The following SYN3 variants were observed in gnomAD, a reference collection of about 807,000 sequenced individuals.
The protein encoded by SYN3 is synapsin-3.
In SYN3, 35 loss-of-function variants were observed where a neutral mutation model predicts 65.8. The observed-to-expected ratio is 0.53, with a 90% CI of 0.41 to 0.70. SYN3 has a LOEUF of 0.70. Among genes scored for constraint, SYN3 ranks in the 30% least tolerant of loss-of-function variants. The pLI is 0.00. For missense variants in SYN3, 680 were observed against 749.0 expected, an observed-to-expected ratio of 0.91 and a Z score of 1.08; for synonymous variants, 270 against 292.9, an observed-to-expected ratio of 0.92 and a Z score of 0.80.
At chr22:32,737,223 G>A (rs906242249) in intron 6 of SYN3, among the ~76,000 whole-genome samples, 1 of 152,178 alleles carries the variant, frequency 6.6e-6, no homozygotes, top group Non-Finnish European at 1.5e-5. Context: ...CATGAGGTTA[G>A]GTACTTGTAT....
chr22:32,543,865 A>T (rs1197350402), intron 7 of SYN3, among the ~76,000 whole-genome samples: 1 of 152,180 alleles, frequency 6.6e-6, no homozygotes, highest in Non-Finnish European at 1.5e-5. Flanking sequence ...AGCAGCCTCC[A>T]TCTTGGGCCA....
At position 32,833,963 on chromosome 22, in the gene SYN3, C is replaced by T. The variant is rs527525089; in HGVS notation, c.711+30952G>A. 981 of 480,054 alleles carry T rather than the reference C, an allele frequency of 2.0e-3. 1 individual carries two copies. Among genetic ancestry groups the T allele is most frequent in the Non-Finnish European group, 3.4e-3 (819 of 239,160 alleles). The allele number at this position is 480,054 out of a possible 1,614,324, so 29.7% of individuals were successfully genotyped here. A position where few individuals can be genotyped will look rare whatever the true frequency, so the allele number is the denominator to read the frequency against. ...TTTTATAATTAGGGAAAGTGGGGAA[C>T]TACCCACATGACCATCCTCCTGCTT... On this transcript the variant is annotated intron_variant, in intron 6 of 13. Transcript: ENST00000358763.
intron 2 of SYN3, among the ~76,000 whole-genome samples, chr22:32,998,796 A>AAAAAC (rs1556121826): frequency 1.1e-4 from 16 of 151,036 alleles, no homozygotes; most frequent in African/African-American, 3.9e-4. Flanking sequence ...AAAAAAAAAA[A>AAAAAC]AAACAAAAGT....
In SYN3 at chr22:32,643,549, TG is replaced by T. The variant is rs34967500; in HGVS notation, c.712-46814del. 6.4e-3 allele frequency among the ~76,000 whole-genome samples: 29 copies of T among 4,526 alleles called. 3 individuals carry two copies. The highest frequency in any genetic ancestry group is 0.057 in the Admixed American group (24 of 424). 3.0% of individuals were successfully genotyped at this position (4,526 alleles called of 152,430 possible). On this transcript the variant is annotated intron_variant, in intron 6 of 13. Coordinates refer to ENST00000358763, the MANE Select transcript of SYN3 (RefSeq NM_003490.4). ...TAATGAGAGGGCAAATTAGAAATGG[TG>T]GGGGGGCGGGGGGGGCAGAACAGAC...
At chr22:32,630,808 T>C (rs2146815238) in intron 6 of SYN3, among the ~76,000 whole-genome samples, 1 of 152,316 alleles carries the variant, frequency 6.6e-6, no homozygotes, top group Admixed American at 6.5e-5. Context: ...CCTTTTGTCC[T>C]GGCCCCTTCA....
intron 3 of SYN3, among the ~76,000 whole-genome samples, chr22:32,945,798 A>C (rs1220177021): frequency 6.6e-6 from 1 of 152,252 alleles, no homozygotes; most frequent in African/African-American, 2.4e-5. Context: ...CTTATCTGAC[A>C]AAGGGCTAAT....
intron 6 of SYN3, among the ~76,000 whole-genome samples, chr22:32,769,491 C>T (rs555190034): frequency 2.7e-5 from 4 of 150,064 alleles, no homozygotes; most frequent in African/African-American, 9.8e-5. Context: ...TTGCCGGTGG[C>T]TCCTTATCTC....
rs752218064 is a variant in SYN3, at chr22:32,959,423, C to T, written c.369+21222G>A. Among the ~76,000 whole-genome samples, 18 of 151,858 alleles carry T rather than the reference C, an allele frequency of 1.2e-4. No homozygotes were observed. The South Asian group carries it at 1.2e-3, about 11-fold the overall frequency. On this transcript the variant is annotated intron_variant, in intron 3 of 13. Coordinates refer to ENST00000358763, the MANE Select transcript of SYN3 (RefSeq NM_003490.4). ...GGACTAATACAGGTGTGGTGGTGCA[C>T]GCCTGTAATCTCAGCTACTTGGGAG...
chr22:32,873,702 G>T (rs2048912926), intron 4 of SYN3, among the ~76,000 whole-genome samples: 1 of 152,066 alleles, frequency 6.6e-6, no homozygotes, highest in Non-Finnish European at 1.5e-5. Context: ...AGACAGGAGT[G>T]GCCAGCTACA....
At chr22:32,874,298 C>T (rs2048927234) in intron 4 of SYN3, among the ~76,000 whole-genome samples, 2 of 152,168 alleles carry the variant, frequency 1.3e-5, no homozygotes, top group African/African-American at 4.8e-5. Flanking sequence ...CAGGTTGTAG[C>T]TGGGTTTTCT....
chr22:32,926,377 C>T (rs1019961031), intron 4 of SYN3, among the ~76,000 whole-genome samples: 2 of 152,204 alleles, frequency 1.3e-5, no homozygotes, highest in Non-Finnish European at 2.9e-5. Context: ...TAATCAGGAA[C>T]TTCTTTATGT....
chr22:33,001,099 G>A (rs1375543275), intron 2 of SYN3, among the ~76,000 whole-genome samples: 1 of 152,122 alleles, frequency 6.6e-6, no homozygotes, highest in African/African-American at 2.4e-5. Flanking sequence ...ATAATTGCAG[G>A]GCCAACTGCC....
intron 6 of SYN3, among the ~76,000 whole-genome samples, chr22:32,732,802 A>G (rs1360648419): frequency 2.0e-5 from 3 of 152,222 alleles, no homozygotes; most frequent in African/African-American, 4.8e-5. Flanking sequence ...GATGGAAACC[A>G]TATTTACTGA....
chr22:33,038,916 A>G (rs944679004), intron 1 of SYN3, among the ~76,000 whole-genome samples: 10 of 152,212 alleles, frequency 6.6e-5, no homozygotes, highest in Non-Finnish European at 1.0e-4. Context: ...GGGCTTCTGC[A>G]TCTCTGCTCC....
At chr22:32,850,716 C>G (rs2048194422) in intron 6 of SYN3, among the ~76,000 whole-genome samples, 1 of 152,148 alleles carries the variant, frequency 6.6e-6, no homozygotes, top group Non-Finnish European at 1.5e-5. Context: ...ATATTTGCAT[C>G]CCTAGCAATT....
intron 6 of SYN3, among the ~76,000 whole-genome samples, chr22:32,780,524 GCCC>G (rs1304929334): frequency 6.6e-6 from 1 of 152,132 alleles, no homozygotes; most frequent in Non-Finnish European, 1.5e-5. Flanking sequence ...GGAAATTTCT[GCCC>G]CCATCTCCAC....
At chr22:32,806,897 AC>A (rs150183832) in intron 6 of SYN3, among the ~76,000 whole-genome samples, 1,750 of 152,268 alleles carry the variant, frequency 0.011, 37 homozygotes, top group African/African-American at 0.039. Context: ...ACATTTACAT[AC>A]ATAGGTATCC....
rs562893593 is a variant in SYN3 at position 32,634,854 on chromosome 22, T to C, written c.712-38118A>G. On this transcript the variant is annotated intron_variant, in intron 6 of 13. Transcript: ENST00000358763. Reference sequence around the variant, plus strand: ...TGTCCAACTTGTGGCCCGCCGGCCATGTGTGGCCCAGGACAGCTTTGAATG... The same window carrying C: ...TGTCCAACTTGTGGCCCGCCGGCCACGTGTGGCCCAGGACAGCTTTGAATG... 1.1e-4 allele frequency among the ~76,000 whole-genome samples: 17 copies of C among 152,332 alleles called. 1 individual carries two copies. The highest frequency in any genetic ancestry group is 3.6e-4 in the African/African-American group (15 of 41,562).
At chr22:32,732,882 C>A (rs1268643860) in intron 6 of SYN3, among the ~76,000 whole-genome samples, 1 of 152,152 alleles carries the variant, frequency 6.6e-6, no homozygotes, top group Non-Finnish European at 1.5e-5. Context: ...CTGCAATCAA[C>A]TTTATAAAGC....
Sources: gnomAD v4.1 joint callset for allele counts (sites outside exome capture counted in the v4.1 genomes callset) on GRCh38, gnomAD v4.1.1 for gene constraint, MANE v1.5 for transcripts, NCBI Gene and HGNC (gene_info 2026-07-23, HGNC 2026-07-21) for gene names.